Variants in PPFIBP2 observed in about 807,000 individuals in gnomAD.
The protein encoded by PPFIBP2 is PPFIB scaffold protein 2, also known as liprin-beta-2.
Under a neutral mutation model 118.3 loss-of-function variants are expected in PPFIBP2, and 118 were observed. The ratio of observed to expected loss-of-function variants is 1.00; its 90% CI spans 0.86 to 1.16. PPFIBP2 has a LOEUF of 1.16. Among genes scored for constraint, PPFIBP2 ranks in the 50% most tolerant of loss-of-function variants. PPFIBP2 has a pLI of 0.00. For missense variants in PPFIBP2, 1,195 were observed against 1,073.1 expected (o/e 1.11, Z -1.59); for synonymous variants, 414 against 397.4 (o/e 1.04, Z -0.50).
the PPFIBP2 span, among the ~76,000 whole-genome samples, chr11:7,663,691 C>G: frequency 1.3e-5 from 2 of 152,212 alleles, no homozygotes; most frequent in South Asian, 2.1e-4. Flanking sequence ...TCGAGCTTCC[C>G]GGCTGCTTTG....
chr11:7,651,010 G>A, intron 22 of PPFIBP2, 45 bp downstream of exon 22: 1 of 1,584,024 alleles, frequency 6.3e-7, no homozygotes, highest in Non-Finnish European at 8.6e-7. Context: ...GTGCAAATGG[G>A]ATATTCAGAA....
rs1859663899 is a variant in PPFIBP2, at chr11:7,593,239, G to A, written c.372+15G>A. 1 of 1,613,098 alleles carries A rather than the reference G, an allele frequency of 6.2e-7. No homozygotes were observed. Among genetic ancestry groups the A allele is most frequent in the African/African-American group, 1.3e-5 (1 of 74,880 alleles). ...TCATATTGCAGGTGGGTACTTTTTG[G>A]TGAGAATCGGCTTATCCTGTTACCT... On this transcript the variant is annotated intron_variant, in intron 4 of 23. Coordinates refer to ENST00000299492, the MANE Select transcript of PPFIBP2 (RefSeq NM_003621.5).
At chr11:7,659,760 T>C (rs1334805163), downstream of PPFIBP2, among the ~76,000 whole-genome samples, 1 of 89,574 alleles carries the variant, frequency 1.1e-5, no homozygotes, top group East Asian at 2.2e-4. Flanking sequence ...TTTGACGATA[T>C]TGATTCTTCC....
intron 8 of PPFIBP2, among the ~76,000 whole-genome samples, chr11:7,626,671 C>T (rs1288970748): frequency 1.3e-5 from 2 of 152,202 alleles, no homozygotes; most frequent in African/African-American, 2.4e-5. Context: ...GAGGATAAAT[C>T]CTCAACTACT....
chr11:7,639,659 C>T (rs773496410), intron 14 of PPFIBP2, 73 bp from the exon 15 acceptor site: 47 of 1,594,214 alleles, frequency 2.9e-5, no homozygotes, highest in Non-Finnish European at 3.9e-5. Flanking sequence ...GGGAGTTGTT[C>T]TGTATCCAAG....
At chr11:7,548,341 C>T (rs929755267) in intron 1 of PPFIBP2, 10 of 152,248 alleles carry the variant, frequency 6.6e-5, no homozygotes, top group Admixed American at 5.9e-4. Context: ...TCCCACTTCA[C>T]AGGAAAAACT....
In PPFIBP2 at chr11:7,610,342, G is replaced by A; in HGVS notation, c.538G>A (p.Glu180Lys). 1 of 1,614,188 alleles carries A rather than the reference G, an allele frequency of 6.2e-7. No homozygotes were observed. The highest frequency in any genetic ancestry group is 1.1e-5 in the South Asian group (1 of 91,090). Reference protein sequence around the residue: ...LETQKLDLMTEVSELKLKLVG... With the variant: ...LETQKLDLMTKVSELKLKLVG... The stretch of plus-strand genomic sequence containing the variant: ...GACCCAGAAGCTCGATCTGATGACT[G>A]AAGTGTCTGAGCTGAAGCTCAAGCT... Residue 180 changes from glutamate (E) to lysine (K), a missense_variant, in exon 6 of 24, where the codon GAA becomes AAA. Transcript: ENST00000299492.
chr11:7,562,091 C>A (rs899646050), intron 2 of PPFIBP2, among the ~76,000 whole-genome samples: 1 of 152,214 alleles, frequency 6.6e-6, no homozygotes, highest in Admixed American at 6.5e-5. Flanking sequence ...ATAGGGTTCA[C>A]ACACCTATGA....
intron 5 of PPFIBP2, among the ~76,000 whole-genome samples, chr11:7,608,181 C>A (rs1176746290): frequency 6.6e-6 from 1 of 152,178 alleles, no homozygotes; most frequent in African/African-American, 2.4e-5. Context: ...GAAATCTTGG[C>A]AATTTGAGTG....
chr11:7,578,471 C>T (rs1013444218), intron 3 of PPFIBP2, among the ~76,000 whole-genome samples: 7 of 152,174 alleles, frequency 4.6e-5, no homozygotes, highest in South Asian at 2.1e-4. Context: ...GCCCGGACCC[C>T]GACTCCCGGA....
At chr11:7,615,149 A>G (rs1315481786) in intron 6 of PPFIBP2, among the ~76,000 whole-genome samples, 3 of 152,088 alleles carry the variant, frequency 2.0e-5, no homozygotes, top group Non-Finnish European at 4.4e-5. Flanking sequence ...CAGCCTGGCC[A>G]ACATAGTGAA....
chr11:7,568,040 T>A (rs1254657236), intron 3 of PPFIBP2, among the ~76,000 whole-genome samples: 1 of 152,260 alleles, frequency 6.6e-6, no homozygotes, highest in Non-Finnish European at 1.5e-5. Flanking sequence ...TTCTCATGCA[T>A]GATGTCTGTG....
intron 5 of PPFIBP2, among the ~76,000 whole-genome samples, chr11:7,601,945 TAGAC>T (rs1461002472): frequency 6.6e-6 from 1 of 151,544 alleles, no homozygotes; most frequent in Non-Finnish European, 1.5e-5. Flanking sequence ...AATACAAAAT[TAGAC>T]AGGTGTGGTG....
the PPFIBP2 span, chr11:7,665,617 C>T: frequency 6.1e-6 from 9 of 1,466,870 alleles, no homozygotes; most frequent in African/African-American, 9.8e-5. Flanking sequence ...GCCGCCTGCA[C>T]ACCCACCCTC....
chr11:7,537,854 G>A (rs1371953460), intron 1 of PPFIBP2, among the ~76,000 whole-genome samples: 1 of 152,152 alleles, frequency 6.6e-6, no homozygotes, highest in Non-Finnish European at 1.5e-5. Context: ...CCTTGTTGGA[G>A]TACCTGCACT....
At chr11:7,622,586 T>C (rs1849482019) in intron 7 of PPFIBP2, among the ~76,000 whole-genome samples, 1 of 152,238 alleles carries the variant, frequency 6.6e-6, no homozygotes, top group African/African-American at 2.4e-5. Context: ...TATAAAATCA[T>C]TTGATTAACC....
At chr11:7,619,198 T>C (rs1849048640) in intron 6 of PPFIBP2, among the ~76,000 whole-genome samples, 4 of 152,210 alleles carry the variant, frequency 2.6e-5, no homozygotes, top group African/African-American at 7.2e-5. Flanking sequence ...CAAATAAATA[T>C]TTAATTGCAA....
chr11:7,567,916 T>C (rs912402978), intron 3 of PPFIBP2, among the ~76,000 whole-genome samples: 1 of 152,210 alleles, frequency 6.6e-6, no homozygotes, highest in African/African-American at 2.4e-5. Flanking sequence ...TAAGAAGCGC[T>C]GCGTTCAACC....
chr11:7,583,523 C>T (rs993475851), intron 3 of PPFIBP2, among the ~76,000 whole-genome samples: 4 of 151,948 alleles, frequency 2.6e-5, no homozygotes, highest in African/African-American at 7.2e-5. Context: ...TCTTTTTACT[C>T]TCCTCCTGGC....
Sources: allele counts gnomAD v4.1 joint callset (sites outside exome capture counted in the v4.1 genomes callset), GRCh38; gene constraint gnomAD v4.1.1; transcripts MANE v1.5; gene names NCBI Gene and HGNC (gene_info 2026-07-23, HGNC 2026-07-21).